Variants in CNTN5 observed in about 807,000 individuals in gnomAD.
CNTN5 encodes the protein contactin 5.
Under a neutral mutation model 129.1 loss-of-function variants are expected in CNTN5, and 77 were observed. That is an observed-to-expected ratio of 0.60 (90% CI 0.50 to 0.72). The LOEUF (loss-of-function observed/expected upper bound fraction) is 0.72. CNTN5 is among the 30% of genes least tolerant of loss of function. CNTN5 has a pLI of 0.00. For synonymous variants in CNTN5, 509 were observed against 465.6 expected, an observed-to-expected ratio of 1.09 and a Z score of -1.20; for missense variants, 1,478 against 1,328.8, an observed-to-expected ratio of 1.11 and a Z score of -1.75.
intron 3 of CNTN5, among the ~76,000 whole-genome samples, chr11:99,622,242 A>T (rs762720442): frequency 1.3e-5 from 2 of 152,174 alleles, no homozygotes; most frequent in Non-Finnish European, 2.9e-5. Context: ...GTTGTATCAT[A>T]TATTCCAACG....
chr11:99,736,055 C>T (rs533005626), intron 3 of CNTN5, among the ~76,000 whole-genome samples: 2 of 150,324 alleles, frequency 1.3e-5, no homozygotes, highest in South Asian at 4.3e-4. Context: ...TTTCTCTGTC[C>T]CTCTCTCTCT....
Position 99,384,974 on chromosome 11 carries a change from T to C in CNTN5, c.-71+59490T>C, listed in dbSNP as rs553459394. Among the ~76,000 whole-genome samples the C allele has an allele frequency of 1.4e-3, 214 of 152,276 alleles. 1 individual carries two copies. The highest frequency in any genetic ancestry group is 2.6e-3 in the Non-Finnish European group (179 of 68,020). ...TAAAAAATACTATTAAATGGCAATG[T>C]ATTGATTAAAAAATAAAAATCATTC... On this transcript the variant is annotated intron_variant, in intron 2 of 24. Transcript: ENST00000524871.
intron 8 of CNTN5, among the ~76,000 whole-genome samples, chr11:99,963,635 A>G (rs538796125): frequency 7.2e-5 from 11 of 152,284 alleles, no homozygotes; most frequent in African/African-American, 2.6e-4. Context: ...TGACTTGGCG[A>G]TGCGGGCTCT....
chr11:99,316,803 A>G, intron 1 of CNTN5, among the ~76,000 whole-genome samples: 1 of 152,026 alleles, frequency 6.6e-6, no homozygotes, highest in East Asian at 1.9e-4. Flanking sequence ...AATTAAGAGC[A>G]ATCGGAGGAA....
rs186407751 is a variant in CNTN5, at chr11:99,571,779, T to C, written c.55+15510T>C. The stretch of plus-strand genomic sequence containing the variant: ...ATAGAGTGATTTGGCCTGTCTCTTC[T>C]CTCATATTCAAATTAATCATAGTGA... On this transcript the variant is annotated intron_variant, in intron 3 of 24. Coordinates refer to ENST00000524871, the MANE Select transcript of CNTN5 (RefSeq NM_014361.4). 2.2e-3 allele frequency among the ~76,000 whole-genome samples: 341 copies of C among 152,312 alleles called. 2 individuals carry two copies. The highest frequency in any genetic ancestry group is 7.5e-3 in the African/African-American group (313 of 41,568).
At chr11:100,256,641 C>T (rs1375085913) in intron 17 of CNTN5, among the ~76,000 whole-genome samples, 1 of 151,980 alleles carries the variant, frequency 6.6e-6, no homozygotes, top group Non-Finnish European at 1.5e-5. Context: ...TGGGTGCAGC[C>T]CATGGAGGGC....
At chr11:99,230,742 G>A (rs975033741) in intron 1 of CNTN5, among the ~76,000 whole-genome samples, 1 of 152,070 alleles carries the variant, frequency 6.6e-6, no homozygotes, top group Non-Finnish European at 1.5e-5. Context: ...GTGGTTTACT[G>A]CACCTATCAA....
intron 2 of CNTN5, among the ~76,000 whole-genome samples, chr11:99,417,615 T>G (rs1020402658): frequency 3.9e-5 from 6 of 152,054 alleles, no homozygotes; most frequent in Non-Finnish European, 7.4e-5. Flanking sequence ...TAAATTGTAC[T>G]ATTATCTAGG....
At chr11:99,389,204 T>C (rs1445647651) in intron 2 of CNTN5, among the ~76,000 whole-genome samples, 1 of 151,806 alleles carries the variant, frequency 6.6e-6, no homozygotes, top group Non-Finnish European at 1.5e-5. Flanking sequence ...TAATTTTGTA[T>C]TTTTAGTAGA....
chr11:100,011,440 T>C (rs1940526921), intron 9 of CNTN5, among the ~76,000 whole-genome samples: 1 of 152,174 alleles, frequency 6.6e-6, no homozygotes, highest in Non-Finnish European at 1.5e-5. Flanking sequence ...ATTTTCTCTT[T>C]TTTTCTCTCT....
At chr11:99,498,510 C>G (rs897269276) in intron 2 of CNTN5, among the ~76,000 whole-genome samples, 3 of 152,122 alleles carry the variant, frequency 2.0e-5, no homozygotes, top group African/African-American at 7.2e-5. Context: ...ATTTTCCTCT[C>G]CCTAACTAGC....
intron 2 of CNTN5, among the ~76,000 whole-genome samples, chr11:99,501,983 A>G (rs1264250162): frequency 6.6e-6 from 1 of 152,186 alleles, no homozygotes; most frequent in Non-Finnish European, 1.5e-5. Flanking sequence ...CTGGCTTAGA[A>G]TTATTCATAG....
chr11:99,501,734 T>C lies in CNTN5; in HGVS notation c.-70-54411T>C, dbSNP rs141654987. Among the ~76,000 whole-genome samples, 1,399 of 152,314 alleles carry C rather than the reference T, an allele frequency of 9.2e-3. 13 individuals are homozygous for C. Among genetic ancestry groups the C allele is most frequent in the African/African-American group, 0.031 (1,303 of 41,558 alleles). ...TTTATTTATAAAATAATGCAATTAT[T>C]CTGTCTTAGAAATAAGGCACACCTG... On this transcript the variant is annotated intron_variant, in intron 2 of 24. Transcript: ENST00000524871.
At chr11:99,894,473 G>GAA (rs35922423) in intron 6 of CNTN5, among the ~76,000 whole-genome samples, 19 of 84,678 alleles carry the variant, frequency 2.2e-4, no homozygotes, top group Non-Finnish European at 3.3e-4. Flanking sequence ...AACTACAACT[G>GAA]AAAAAAAAAA....
chr11:99,103,881 A>T (rs533755303), intron 1 of CNTN5, among the ~76,000 whole-genome samples: 133 of 152,296 alleles, frequency 8.7e-4, no homozygotes, highest in African/African-American at 3.2e-3. Flanking sequence ...TGAAGCCACC[A>T]GAAGGTGGAA....
At chr11:99,728,782 C>G (rs193059396) in intron 3 of CNTN5, among the ~76,000 whole-genome samples, 2 of 152,226 alleles carry the variant, frequency 1.3e-5, no homozygotes, top group African/African-American at 4.8e-5. Flanking sequence ...AGTCTGAGGT[C>G]TGAGGAGTTA....
chr11:99,090,922 T>G (rs1298483217), intron 1 of CNTN5, among the ~76,000 whole-genome samples: 1 of 145,152 alleles, frequency 6.9e-6, no homozygotes, highest in Non-Finnish European at 1.5e-5. Flanking sequence ...TTCAGGAGGC[T>G]GAGGCAGGAG....
At chr11:99,286,946 A>C (rs1863965174) in intron 1 of CNTN5, among the ~76,000 whole-genome samples, 1 of 152,188 alleles carries the variant, frequency 6.6e-6, no homozygotes, top group Admixed American at 6.5e-5. Context: ...ACCTGTACTA[A>C]GGTTGTTATC....
intron 3 of CNTN5, among the ~76,000 whole-genome samples, chr11:99,686,317 G>A (rs1296091541): frequency 1.3e-5 from 2 of 151,808 alleles, no homozygotes; most frequent in Non-Finnish European, 2.9e-5. Flanking sequence ...TGGAACTGCT[G>A]TTGATGAATC....
Sources: allele counts gnomAD v4.1 joint callset (sites outside exome capture counted in the v4.1 genomes callset), GRCh38; gene constraint gnomAD v4.1.1; transcripts MANE v1.5; gene names NCBI Gene and HGNC (gene_info 2026-07-23, HGNC 2026-07-21).